TNS3: variants seen among roughly 807,000 people sequenced by gnomAD.
The protein encoded by TNS3 is tensin 3.
In TNS3, 45 loss-of-function variants were observed where a neutral mutation model predicts 140.9. The ratio of observed to expected loss-of-function variants is 0.32; its 90% CI spans 0.25 to 0.41. The LOEUF is 0.41. Among genes scored for constraint, TNS3 ranks in the 10% least tolerant of loss-of-function variants. TNS3 has a pLI of 1.00. For synonymous variants in TNS3, 815 were observed against 788.4 expected (o/e 1.03, Z -0.56); for missense variants, 1,716 against 1,906.7 (o/e 0.90, Z 1.86).
intron 16 of TNS3, among the ~76,000 whole-genome samples, chr7:47,382,411 C>T (rs763157683): frequency 6.6e-6 from 1 of 152,188 alleles, no homozygotes; most frequent in Non-Finnish European, 1.5e-5. Context: ...GCTCAGAACG[C>T]TCTCATTTTC....
intron 1 of TNS3, among the ~76,000 whole-genome samples, chr7:47,558,468 A>G (rs79258692): frequency 0.013 from 1,940 of 152,094 alleles, 41 homozygotes; most frequent in African/African-American, 0.044. Context: ...CCATCAGCCC[A>G]ACTTCAAAGA....
intron 9 of TNS3, among the ~76,000 whole-genome samples, chr7:47,426,254 C>A (rs1012581983): frequency 6.6e-6 from 1 of 152,104 alleles, no homozygotes; most frequent in Non-Finnish European, 1.5e-5. Context: ...TGCACTCCAG[C>A]CCCGGCAACA....
At chr7:47,426,679 TACATATTGACTATTGAGAGAAAACAGA>T (rs1219863554) in intron 9 of TNS3, among the ~76,000 whole-genome samples, 17 of 152,142 alleles carry the variant, frequency 1.1e-4, no homozygotes, top group African/African-American at 4.1e-4. Flanking sequence ...GCAGCTGAAA[TACATATTGACTATTGAGAGAAAACAGA>T]GTTTGTACCA....
intron 1 of TNS3, among the ~76,000 whole-genome samples, chr7:47,572,858 CAAA>C (rs1288520753): frequency 2.4e-5 from 3 of 122,472 alleles, no homozygotes; most frequent in African/African-American, 3.0e-5. Flanking sequence ...GACTCCGTCT[CAAA>C]AAAAAAAAAA....
chr7:47,522,320 G>T (rs1046805172), intron 2 of TNS3, among the ~76,000 whole-genome samples: 1 of 152,178 alleles, frequency 6.6e-6, no homozygotes, highest in Non-Finnish European at 1.5e-5. Context: ...CCACCTCTGA[G>T]CCGCAAGCCT....
intron 1 of TNS3, among the ~76,000 whole-genome samples, chr7:47,572,661 AGGTCAGGAGTTCGAGACCAGCCTG>A (rs1331139879): frequency 6.6e-6 from 1 of 152,160 alleles, no homozygotes. Flanking sequence ...AGATCGCCTG[AGGTCAGGAGTTCGAGACCAGCCTG>A]GCCAACATGG....
chr7:47,531,134 T>C (rs549893494), intron 1 of TNS3, among the ~76,000 whole-genome samples: 19 of 151,802 alleles, frequency 1.3e-4, no homozygotes, highest in African/African-American at 4.6e-4. Flanking sequence ...AGGGTGAAGA[T>C]TGAAAAACTA....
intron 8 of TNS3, among the ~76,000 whole-genome samples, chr7:47,434,870 G>C (rs904661752): frequency 1.3e-5 from 2 of 152,216 alleles, no homozygotes; most frequent in Non-Finnish European, 2.9e-5. Context: ...CCATCATCTA[G>C]TCCATCAACT....
At chr7:47,536,637 G>C (rs1022923300) in intron 1 of TNS3, among the ~76,000 whole-genome samples, 1 of 152,202 alleles carries the variant, frequency 6.6e-6, no homozygotes, top group Admixed American at 6.5e-5. Context: ...AGTTGAGTTA[G>C]AAAGAGCTAA....
chr7:47,305,550 A>G (rs1033374361), intron 20 of TNS3, among the ~76,000 whole-genome samples: 1 of 152,194 alleles, frequency 6.6e-6, no homozygotes, highest in Admixed American at 6.5e-5. Context: ...GGCCATCAAC[A>G]TCGAGCACTA....
In TNS3 at chr7:47,368,770, G is replaced by A; in HGVS notation, c.1876C>T (p.Gln626Ter). The A allele has an allele frequency of 6.3e-7, 1 of 1,594,744 alleles. No individual in the cohort carries two copies. The highest frequency in any genetic ancestry group is 8.5e-7 in the Non-Finnish European group (1 of 1,171,230). The change falls in exon 17 of 31, where the codon CAG becomes TAG. Residue 626 changes from glutamine (Q) to a stop codon, truncating the protein, a stop_gained. Coordinates refer to ENST00000311160, the MANE Select transcript of TNS3 (RefSeq NM_022748.12). LOFTEE classifies it high-confidence loss of function. ...GTGGGGGTGAGTGGCACTCTGGGCT[G>A]GGCCTGGACGAGGCCAGGATTGTCT... ...PADNPGLVQA[Q>*]PRVPLTPTRG...
intron 1 of TNS3, among the ~76,000 whole-genome samples, chr7:47,578,754 C>A (rs1216022146): frequency 7.9e-5 from 12 of 152,152 alleles, no homozygotes; most frequent in Admixed American, 7.9e-4. Context: ...AGAAAGCTCA[C>A]GAAACTTGGA....
At chr7:47,507,400 G>C (rs1798458284) in intron 2 of TNS3, among the ~76,000 whole-genome samples, 1 of 152,212 alleles carries the variant, frequency 6.6e-6, no homozygotes, top group East Asian at 1.9e-4. Flanking sequence ...TTAAGAATCA[G>C]AATTTAAAGT....
intron 3 of TNS3, among the ~76,000 whole-genome samples, chr7:47,506,536 C>A (rs574756624): frequency 6.6e-6 from 1 of 152,068 alleles, no homozygotes; most frequent in South Asian, 2.1e-4. Context: ...GCAGAAAAGT[C>A]TCCAGGCCAG....
At chr7:47,412,444 C>T (rs1028632311) in intron 12 of TNS3, among the ~76,000 whole-genome samples, 137 of 152,220 alleles carry the variant, frequency 9.0e-4, no homozygotes, top group African/African-American at 3.2e-3. Context: ...CATAGTGAAA[C>T]CCCGTCTCTA....
intron 13 of TNS3, among the ~76,000 whole-genome samples, chr7:47,401,917 C>T (rs1474682709): frequency 6.6e-6 from 1 of 152,206 alleles, no homozygotes; most frequent in African/African-American, 2.4e-5. Context: ...CAGGCAGGTA[C>T]CTCCCCAACC....
intron 4 of TNS3, among the ~76,000 whole-genome samples, chr7:47,446,683 G>A (rs1795749469): frequency 1.1e-5 from 1 of 92,112 alleles, no homozygotes; most frequent in African/African-American, 3.9e-5. Flanking sequence ...CCTGTTCCAG[G>A]CTGCCTTTTT....
chr7:47,365,444 C>CAAA (rs764220415), intron 17 of TNS3, among the ~76,000 whole-genome samples: 2 of 117,248 alleles, frequency 1.7e-5, no homozygotes, highest in African/African-American at 6.3e-5. Context: ...GACTCCATCT[C>CAAA]AAAAAAAAAA....
intron 20 of TNS3, among the ~76,000 whole-genome samples, chr7:47,335,801 T>C (rs1457413360): frequency 1.3e-5 from 2 of 152,164 alleles, no homozygotes; most frequent in African/African-American, 2.4e-5. Flanking sequence ...GCAGTAGGAA[T>C]GACTACTGTT....
Sources: gnomAD v4.1 joint callset for allele counts (sites outside exome capture counted in the v4.1 genomes callset) on GRCh38, gnomAD v4.1.1 for gene constraint, MANE v1.5 for transcripts, NCBI Gene and HGNC (gene_info 2026-07-23, HGNC 2026-07-21) for gene names.